The following DGKH variants were observed in gnomAD, a reference collection of about 807,000 sequenced individuals.
DGKH encodes the protein diacylglycerol kinase eta, also known as DAG kinase eta.
In DGKH, 90 loss-of-function variants were observed where a neutral mutation model predicts 159.3. That is an observed-to-expected ratio of 0.57 (90% CI 0.48 to 0.67). The LOEUF (loss-of-function observed/expected upper bound fraction) is 0.67. Among genes scored for constraint, DGKH ranks in the 30% least tolerant of loss-of-function variants. DGKH has a pLI of 0.00. For missense variants in DGKH, 1,181 were observed against 1,506.1 expected, an observed-to-expected ratio of 0.78 and a Z score of 3.57; for synonymous variants, 536 against 553.8, an observed-to-expected ratio of 0.97 and a Z score of 0.45.
intron 1 of DGKH, among the ~76,000 whole-genome samples, chr13:42,090,365 G>C (rs1954393265): frequency 6.6e-6 from 1 of 152,136 alleles, no homozygotes; most frequent in South Asian, 2.1e-4. Context: ...CCCTATGAAA[G>C]TTCCAGTGGC....
At chr13:42,195,083 C>A in intron 17 of DGKH, 67 bp downstream of exon 17, 2 of 1,545,742 alleles carry the variant, frequency 1.3e-6, no homozygotes, top group Non-Finnish European at 1.8e-6. Context: ...GTATTTATTT[C>A]TATTACTGTG....
At chr13:42,251,167 A>C (rs1165099771) in intron 29 of DGKH, among the ~76,000 whole-genome samples, 1 of 152,176 alleles carries the variant, frequency 6.6e-6, no homozygotes, top group East Asian at 1.9e-4. Flanking sequence ...TTTATTGTAA[A>C]GCTCTGTGAA....
At chr13:42,152,346 G>A (rs11616202) in intron 3 of DGKH, among the ~76,000 whole-genome samples, 5,952 of 151,938 alleles carry the variant, frequency 0.039, 160 homozygotes, top group Middle Eastern at 0.072. Context: ...GTCTTCAAAA[G>A]AAATGGTGGT....
At chr13:42,195,814 G>A (rs1294860486) in intron 17 of DGKH, 2 of 152,094 alleles carry the variant, frequency 1.3e-5, no homozygotes, top group Non-Finnish European at 2.9e-5. Context: ...CAAATAAATT[G>A]GACTTCACCG....
intron 12 of DGKH, 51 bp downstream of exon 12, chr13:42,174,195 GAA>G: frequency 2.5e-6 from 3 of 1,194,332 alleles, no homozygotes; most frequent in South Asian, 1.5e-5. Context: ...GATATCTTGA[GAA>G]AAAAAAAAGA....
At chr13:42,218,444 T>A (rs1446321974) in intron 26 of DGKH, among the ~76,000 whole-genome samples, 1 of 152,064 alleles carries the variant, frequency 6.6e-6, no homozygotes, top group Admixed American at 6.6e-5. Context: ...TTTCTGCAGT[T>A]CTTTTTATAT....
chr13:42,142,361 A>G (rs1237304018), intron 3 of DGKH, among the ~76,000 whole-genome samples: 4 of 151,724 alleles, frequency 2.6e-5, no homozygotes, highest in Admixed American at 1.3e-4. Flanking sequence ...TTGGCTTGGG[A>G]TTGACTTGGC....
At chr13:42,166,762 AT>A in intron 9 of DGKH, 88 bp downstream of exon 9, 1 of 1,172,814 alleles carries the variant, frequency 8.5e-7, no homozygotes, top group South Asian at 2.5e-5. Context: ...AAAATTACAG[AT>A]TCCTCTAGAT....
At chr13:42,151,505 G>GTATATATA (rs1313067570) in intron 3 of DGKH, among the ~76,000 whole-genome samples, 3 of 79,222 alleles carry the variant, frequency 3.8e-5, no homozygotes, top group Non-Finnish European at 7.6e-5. Context: ...GTGTGTGTGT[G>GTATATATA]TATACACATG....
chr13:42,089,134 G>T (rs1566095128), intron 1 of DGKH, among the ~76,000 whole-genome samples: 1 of 152,256 alleles, frequency 6.6e-6, no homozygotes, highest in South Asian at 2.1e-4. Flanking sequence ...TGATGGATCT[G>T]AAAGGAGAAA....
intron 1 of DGKH, among the ~76,000 whole-genome samples, chr13:42,120,671 C>T (rs1317021501): frequency 6.6e-6 from 1 of 152,050 alleles, no homozygotes; most frequent in Non-Finnish European, 1.5e-5. Context: ...AAACAACAAC[C>T]AAAAAACTAA....
At chr13:42,070,165 T>G (rs185066484) in intron 1 of DGKH, 18 of 921,444 alleles carry the variant, frequency 2.0e-5, no homozygotes, top group East Asian at 7.2e-5. Flanking sequence ...GGAGAGCGCT[T>G]CTTCTGCTAT....
chr13:42,253,959 C>T (rs1228872746), intron 30 of DGKH, among the ~76,000 whole-genome samples: 1 of 147,158 alleles, frequency 6.8e-6, no homozygotes, highest in Non-Finnish European at 1.5e-5. Flanking sequence ...TTATATTGTT[C>T]ACATAGGCAG....
rs1337695721 is a variant in DGKH at position 42,236,117 on chromosome 13, A to G, written c.*6929A>G. The stretch of plus-strand genomic sequence containing the variant: ...TGTGAGGCAGTGCTGGTGTCAGCAA[A>G]GTCAGTAACAGACAGTATTACTTGT... On this transcript the variant is annotated 3_prime_UTR_variant, in exon 30 of 30. Transcript: ENST00000337343. 1 of 152,210 alleles carries G rather than the reference A, an allele frequency of 6.6e-6. No individual in the cohort carries two copies. The highest frequency in any genetic ancestry group is 1.5e-5 in the Non-Finnish European group (1 of 68,024). The allele number at this position is 152,210 out of a possible 1,614,324, so 9.4% of individuals were successfully genotyped here. A position where few individuals can be genotyped will look rare whatever the true frequency, so the allele number is the denominator to read the frequency against.
chr13:42,191,683 A>G (rs17645608), intron 16 of DGKH, among the ~76,000 whole-genome samples: 18,123 of 152,106 alleles, frequency 0.12, 1,534 homozygotes, highest in East Asian at 0.4. Context: ...TAAATTTTAC[A>G]TGTTTGAAAC....
chr13:42,190,177 C>T (rs1000421414), intron 15 of DGKH, among the ~76,000 whole-genome samples: 1 of 152,042 alleles, frequency 6.6e-6, no homozygotes, highest in African/African-American at 2.4e-5. Flanking sequence ...CTCTAAAATT[C>T]TTATACTTTA....
intron 25 of DGKH, 57 bp downstream of exon 25, chr13:42,214,669 AT>A: frequency 1.3e-6 from 2 of 1,543,900 alleles, no homozygotes; most frequent in Non-Finnish European, 1.8e-6. Context: ...TTACACATGT[AT>A]TTTAATACTG....
chr13:42,209,118 G>T (rs765265655), intron 22 of DGKH, 46 bp downstream of exon 22: 2 of 1,542,512 alleles, frequency 1.3e-6, no homozygotes, highest in Non-Finnish European at 1.8e-6. Flanking sequence ...GGGCTAAGGA[G>T]GGTTGAAGGA....
chr13:42,101,757 G>T (rs1342613499), intron 1 of DGKH, among the ~76,000 whole-genome samples: 3 of 149,388 alleles, frequency 2.0e-5, no homozygotes, highest in African/African-American at 7.4e-5. Flanking sequence ...AGAGGTATGT[G>T]TGTATGTGTG....
Sources: allele counts gnomAD v4.1 joint callset (sites outside exome capture counted in the v4.1 genomes callset), GRCh38; gene constraint gnomAD v4.1.1; transcripts MANE v1.5; gene names NCBI Gene and HGNC (gene_info 2026-07-23, HGNC 2026-07-21).